ZFAND4: variants seen among roughly 807,000 people sequenced by gnomAD.
ZFAND4 encodes the protein AN1-type zinc finger protein 4.
ZFAND4 carries 43 observed loss-of-function variants against 64.4 expected under a neutral mutation model. That is an observed-to-expected ratio of 0.67 (90% CI 0.52 to 0.86). The LOEUF is 0.86. Among genes scored for constraint, ZFAND4 ranks in the 40% least tolerant of loss-of-function variants. The probability of loss-of-function intolerance (pLI) is 0.00; values close to 1 mark genes in which losing one functional copy is unlikely to be tolerated. For synonymous variants in ZFAND4, 296 were observed against 305.7 expected, an observed-to-expected ratio of 0.97 and a Z score of 0.33; for missense variants, 929 against 859.8, an observed-to-expected ratio of 1.08 and a Z score of -1.01.
intron 6 of ZFAND4, among the ~76,000 whole-genome samples, chr10:45,638,052 A>C (rs1466101534): frequency 6.6e-6 from 1 of 152,214 alleles, no homozygotes; most frequent in Non-Finnish European, 1.5e-5. Context: ...TCCTCATTAG[A>C]GAAATATAAA....
intron 5 of ZFAND4, among the ~76,000 whole-genome samples, chr10:45,648,087 C>T (rs557346978): frequency 2.0e-5 from 3 of 152,204 alleles, no homozygotes; most frequent in South Asian, 2.1e-4. Flanking sequence ...ATCTATTAGG[C>T]ATCTTAGAGT....
intron 2 of ZFAND4, among the ~76,000 whole-genome samples, chr10:45,657,717 A>G (rs1332365056): frequency 6.6e-6 from 1 of 152,230 alleles, no homozygotes; most frequent in Non-Finnish European, 1.5e-5. Flanking sequence ...ATGAGTAACT[A>G]TGGTACTTCC....
At chr10:45,619,288 C>T (rs2045243444) in intron 8 of ZFAND4, among the ~76,000 whole-genome samples, 1 of 152,034 alleles carries the variant, frequency 6.6e-6, no homozygotes, top group Non-Finnish European at 1.5e-5. Context: ...TCATGATCCG[C>T]CCATCTCAAC....
At chr10:45,650,804 T>A (rs1305951375) in intron 4 of ZFAND4, 1 of 152,198 alleles carries the variant, frequency 6.6e-6, no homozygotes, top group East Asian at 1.9e-4. Context: ...GTTATTACTA[T>A]AAACATTTAT....
Position 45,633,541 on chromosome 10 carries a change from A to G in ZFAND4, c.717+6275T>C, listed in dbSNP as rs1462130506. Among the ~76,000 whole-genome samples, 4 of 152,066 alleles carry G rather than the reference A, an allele frequency of 2.6e-5. No individual in the cohort carries two copies. In the South Asian group the frequency reaches 8.3e-4, roughly 31 times the overall value. On this transcript the variant is annotated intron_variant, in intron 6 of 9. Coordinates refer to ENST00000344646, the MANE Select transcript of ZFAND4 (RefSeq NM_174890.4). ...GACTCCCACCTCTAAAAACAAGAAA[A>G]GAAAAGAAAAAGAAAAACCAAAAAG...
chr10:45,662,313 A>T (rs1209778951), intron 2 of ZFAND4, among the ~76,000 whole-genome samples: 1 of 152,212 alleles, frequency 6.6e-6, no homozygotes, highest in Non-Finnish European at 1.5e-5. Flanking sequence ...TGACTCATGG[A>T]AACTAAATAT....
chr10:45,635,643 G>C (rs978401316), intron 6 of ZFAND4, among the ~76,000 whole-genome samples: 9 of 152,128 alleles, frequency 5.9e-5, no homozygotes, highest in Non-Finnish European at 8.8e-5. Context: ...ATTCACAATA[G>C]CCAAAAGATG....
intron 2 of ZFAND4, 81 bp from the exon 3 acceptor site, chr10:45,653,140 A>C: frequency 9.3e-7 from 1 of 1,069,678 alleles, no homozygotes; most frequent in South Asian, 1.5e-5. Context: ...CTATTTCATT[A>C]AGGAACTAAG....
rs771922152 is a variant in ZFAND4, at chr10:45,639,929, C to G, written c.604G>C (p.Asp202His). 3.0e-5 allele frequency: 48 copies of G among 1,612,886 alleles called. No homozygotes were observed. The East Asian group carries it at 1.0e-3, about 34-fold the overall frequency. The change falls in exon 6 of 10, where the codon GAT (aspartate) becomes CAT (histidine). Residue 202 changes from aspartate to histidine, a missense_variant. By Grantham distance (81) the Asp-to-His change is moderately conservative. Transcript: ENST00000344646. ...GAAGAAGAAGGCTCAGTTTCTTCAT[C>G]CTCATCTGTATCTGAATTATACATA... ...GSMYNSDTDE[D>H]EETEPSSSGQ...
At chr10:45,630,460 G>T (rs144262392) in intron 6 of ZFAND4, among the ~76,000 whole-genome samples, 3 of 152,088 alleles carry the variant, frequency 2.0e-5, no homozygotes, top group Non-Finnish European at 4.4e-5. Flanking sequence ...GGCCGGGTGC[G>T]GTGGCTCACA....
intron 1 of ZFAND4, among the ~76,000 whole-genome samples, chr10:45,664,097 T>C (rs2048648728): frequency 6.6e-6 from 1 of 152,138 alleles, no homozygotes; most frequent in African/African-American, 2.4e-5. Context: ...CAGTTATATA[T>C]ATAGTACATG....
At chr10:45,635,282 C>T (rs1274803996) in intron 6 of ZFAND4, among the ~76,000 whole-genome samples, 1 of 147,296 alleles carries the variant, frequency 6.8e-6, no homozygotes, top group East Asian at 2.0e-4. Context: ...TACTACAGAG[C>T]TACAGTAACC....
chr10:45,666,405 A>G (rs962142309), intron 1 of ZFAND4, among the ~76,000 whole-genome samples: 6 of 152,030 alleles, frequency 3.9e-5, no homozygotes, highest in Admixed American at 3.9e-4. Flanking sequence ...TGGATTTTTT[A>G]TTGAGTTGTA....
intron 6 of ZFAND4, among the ~76,000 whole-genome samples, chr10:45,627,784 C>T (rs997288589): frequency 1.4e-4 from 22 of 152,168 alleles, no homozygotes; most frequent in African/African-American, 5.3e-4. Flanking sequence ...TGAGCCTCCC[C>T]GGTAAACAAC....
chr10:45,632,601 G>C (rs1437344159), intron 6 of ZFAND4, among the ~76,000 whole-genome samples: 1 of 152,032 alleles, frequency 6.6e-6, no homozygotes, highest in African/African-American at 2.4e-5. Flanking sequence ...GGAAAAGGCA[G>C]ATCAAGAACA....
At position 45,616,504 on chromosome 10, in the gene ZFAND4, T is replaced by TC; in HGVS notation, c.2115dup (p.Ser706GlufsTer15). 1 of 1,614,216 alleles carries TC rather than the reference T, an allele frequency of 6.2e-7. No individual in the cohort carries two copies. The highest frequency in any genetic ancestry group is 1.7e-5 in the Admixed American group (1 of 60,024). ...TCGTGCAAGTATCTCCTCCCTGCAC[T>TC]CTTGTAATCATAGGTACAGCCATGA... On this transcript the variant is annotated frameshift_variant, in exon 10 of 10. Transcript: ENST00000344646. LOFTEE classifies it high-confidence loss of function.
intron 6 of ZFAND4, among the ~76,000 whole-genome samples, chr10:45,636,954 G>C (rs1044993320): frequency 3.3e-5 from 5 of 150,280 alleles, no homozygotes; most frequent in Non-Finnish European, 5.9e-5. Context: ...TTAGGACTGT[G>C]AAGAAAGGAT....
At chr10:45,656,501 C>CAAAAAAAAAAAAAAAAAA (rs541781976) in intron 2 of ZFAND4, among the ~76,000 whole-genome samples, 6 of 24,704 alleles carry the variant, frequency 2.4e-4, no homozygotes, top group African/African-American at 7.8e-4. Context: ...GAACCTGTCT[C>CAAAAAAAAAAAAAAAAAA]AAAAAAAAAA....
At chr10:45,654,731 T>C (rs1399833672) in intron 2 of ZFAND4, among the ~76,000 whole-genome samples, 1 of 151,890 alleles carries the variant, frequency 6.6e-6, no homozygotes, top group Admixed American at 6.6e-5. Context: ...AAACAGAGTT[T>C]AAAGCAACAA....
Sources: gnomAD v4.1 joint callset for allele counts (sites outside exome capture counted in the v4.1 genomes callset) on GRCh38, gnomAD v4.1.1 for gene constraint, MANE v1.5 for transcripts, NCBI Gene and HGNC (gene_info 2026-07-23, HGNC 2026-07-21) for gene names.